Variants in RARB observed in about 807,000 individuals in gnomAD.
The protein encoded by RARB is retinoic acid receptor beta, also known as HBV-activated protein.
In RARB, 17 loss-of-function variants were observed where a neutral mutation model predicts 51.9. The observed-to-expected ratio is 0.33, with a 90% CI of 0.22 to 0.49. RARB has a LOEUF of 0.49. RARB is among the 20% of genes least tolerant of loss of function. The pLI is 0.99. For missense variants in RARB, 369 were observed against 550.8 expected (o/e 0.67, Z 3.30); for synonymous variants, 215 against 195.4 (o/e 1.10, Z -0.84).
intron 5 of RARB, chr3:25,352,498 C>T (rs1269565710): frequency 6.6e-6 from 1 of 152,176 alleles, no homozygotes; most frequent in South Asian, 2.1e-4. Flanking sequence ...CTTGGCTTCT[C>T]TTTGTCAAGC....
At chr3:24,962,016 G>A (rs1315167832) in intron 2 of RARB, among the ~76,000 whole-genome samples, 3 of 130,118 alleles carry the variant, frequency 2.3e-5, no homozygotes, top group East Asian at 2.5e-4. Flanking sequence ...TGCAAGCTCC[G>A]CCTCCCAGGT....
chr3:25,328,836 T>C (rs963609895), intron 5 of RARB, among the ~76,000 whole-genome samples: 1 of 152,172 alleles, frequency 6.6e-6, no homozygotes, highest in African/African-American at 2.4e-5. Context: ...AATACTGTGC[T>C]TTTCCAATGG....
intron 3 of RARB, among the ~76,000 whole-genome samples, chr3:25,540,087 T>C (rs1699314285): frequency 6.6e-6 from 1 of 152,190 alleles, no homozygotes; most frequent in African/African-American, 2.4e-5. Flanking sequence ...GTGACAACTG[T>C]AAAAGGATAA....
chr3:25,209,442 A>G (rs1054403644), intron 5 of RARB, among the ~76,000 whole-genome samples: 1 of 152,222 alleles, frequency 6.6e-6, no homozygotes, highest in Non-Finnish European at 1.5e-5. Context: ...GTAGGCTAGG[A>G]TGAGTTCATA....
chr3:25,060,245 ATCTAGC>A, intron 3 of RARB: 1 of 151,980 alleles, frequency 6.6e-6, no homozygotes, highest in East Asian at 1.9e-4. Context: ...GTTCTCCATA[ATCTAGC>A]ACTTCAAATA....
At chr3:25,009,001 T>C (rs1055718512) in intron 2 of RARB, among the ~76,000 whole-genome samples, 13 of 152,166 alleles carry the variant, frequency 8.5e-5, no homozygotes, top group Non-Finnish European at 4.4e-5. Flanking sequence ...TTAAAAGCAA[T>C]GAAATGAAGC....
intron 2 of RARB, among the ~76,000 whole-genome samples, chr3:24,888,329 A>C (rs1703303070): frequency 6.6e-6 from 1 of 152,200 alleles, no homozygotes; most frequent in Admixed American, 6.5e-5. Context: ...CCCTATGAGA[A>C]TTGAGATCAG....
At chr3:25,204,135 C>T (rs1380094488) in intron 5 of RARB, among the ~76,000 whole-genome samples, 1 of 152,106 alleles carries the variant, frequency 6.6e-6, no homozygotes, top group Non-Finnish European at 1.5e-5. Flanking sequence ...TTTCTTTTTA[C>T]TCTTTTTTCT....
At chr3:25,003,894 G>A (rs900764511) in intron 2 of RARB, among the ~76,000 whole-genome samples, 20 of 152,088 alleles carry the variant, frequency 1.3e-4, no homozygotes, top group Non-Finnish European at 2.4e-4. Context: ...TTTGACAGCA[G>A]CACTGAGCTT....
intron 5 of RARB, among the ~76,000 whole-genome samples, chr3:25,279,242 A>T (rs1825370): frequency 2.0e-5 from 3 of 152,160 alleles, no homozygotes; most frequent in Non-Finnish European, 4.4e-5. Flanking sequence ...TTCTGCCTTC[A>T]AACTTCCTTC....
At chr3:24,992,640 C>T (rs1413500570) in intron 2 of RARB, among the ~76,000 whole-genome samples, 1 of 152,170 alleles carries the variant, frequency 6.6e-6, no homozygotes, top group East Asian at 1.9e-4. Context: ...CAAAATCCAG[C>T]AGGAATGGTT....
At chr3:25,584,363 A>G (rs2125311546) in intron 5 of RARB, among the ~76,000 whole-genome samples, 1 of 152,288 alleles carries the variant, frequency 6.6e-6, no homozygotes, top group East Asian at 1.9e-4. Flanking sequence ...GCAACAGAGG[A>G]GAACAGAAGC....
At chr3:25,112,376 A>T (rs1284791443) in intron 3 of RARB, among the ~76,000 whole-genome samples, 1 of 152,202 alleles carries the variant, frequency 6.6e-6, no homozygotes, top group Non-Finnish European at 1.5e-5. Context: ...TCTCAATCTT[A>T]TATCTTCATT....
chr3:25,536,410 C>T (rs1699143592), intron 3 of RARB, among the ~76,000 whole-genome samples: 1 of 152,172 alleles, frequency 6.6e-6, no homozygotes, highest in Non-Finnish European at 1.5e-5. Flanking sequence ...TCCTTGAAGG[C>T]TGAAATGGAA....
At chr3:24,952,388 T>G (rs879941078) in intron 2 of RARB, among the ~76,000 whole-genome samples, 5 of 152,210 alleles carry the variant, frequency 3.3e-5, no homozygotes, top group Admixed American at 2.0e-4. Flanking sequence ...ATCTGAGATT[T>G]TAAACTTGTT....
At chr3:24,883,105 C>T (rs755051126) in intron 2 of RARB, among the ~76,000 whole-genome samples, 1 of 152,000 alleles carries the variant, frequency 6.6e-6, no homozygotes. Context: ...GTTAACCAAC[C>T]CTGGGACCCA....
intron 5 of RARB, among the ~76,000 whole-genome samples, chr3:25,359,665 G>T (rs1029191165): frequency 6.6e-6 from 1 of 152,198 alleles, no homozygotes; most frequent in East Asian, 1.9e-4. Flanking sequence ...AGAGATTCTG[G>T]TATGTTGTGT....
intron 5 of RARB, among the ~76,000 whole-genome samples, chr3:25,268,686 A>G (rs956193774): frequency 6.6e-6 from 1 of 152,096 alleles, no homozygotes; most frequent in African/African-American, 2.4e-5. Flanking sequence ...TCTGAGATCC[A>G]CTTTTACCCA....
At chr3:25,266,993 G>A (rs1202091313) in intron 5 of RARB, among the ~76,000 whole-genome samples, 1 of 152,160 alleles carries the variant, frequency 6.6e-6, no homozygotes, top group Admixed American at 6.6e-5. Context: ...TGGAAATACT[G>A]AGCAACCACA....
Sources: gnomAD v4.1 joint callset for allele counts (sites outside exome capture counted in the v4.1 genomes callset) on GRCh38, gnomAD v4.1.1 for gene constraint, MANE v1.5 for transcripts, NCBI Gene and HGNC (gene_info 2026-07-23, HGNC 2026-07-21) for gene names.